The following HPGDS variants were observed in gnomAD, a reference collection of about 807,000 sequenced individuals.
The protein encoded by HPGDS is GST class-sigma.
Under a neutral mutation model 23.1 loss-of-function variants are expected in HPGDS, and 26 were observed. The observed-to-expected ratio is 1.13, with a 90% CI of 0.83 to 1.56. The LOEUF (loss-of-function observed/expected upper bound fraction) is 1.56. Ranked by LOEUF, HPGDS falls within the 40% of genes most tolerant of loss-of-function variation. HPGDS has a pLI of 0.00. For synonymous variants in HPGDS, 95 were observed against 77.9 expected, an observed-to-expected ratio of 1.22 and a Z score of -1.16; for missense variants, 268 against 236.4, an observed-to-expected ratio of 1.13 and a Z score of -0.88.
At chr4:94,339,077 A>T (rs1386254182) in intron 1 of HPGDS, among the ~76,000 whole-genome samples, 1 of 152,212 alleles carries the variant, frequency 6.6e-6, no homozygotes, top group Non-Finnish European at 1.5e-5. Flanking sequence ...TGGTTCTGAG[A>T]CTGAAACTAG....
chr4:94,321,825 C>A (rs1040729809), intron 2 of HPGDS, among the ~76,000 whole-genome samples: 2 of 152,192 alleles, frequency 1.3e-5, no homozygotes, highest in African/African-American at 4.8e-5. Flanking sequence ...TGTGAGAGGG[C>A]ATCCCTGTCT....
chr4:94,332,291 C>T (rs906296648), intron 2 of HPGDS, among the ~76,000 whole-genome samples: 3 of 152,182 alleles, frequency 2.0e-5, no homozygotes, highest in African/African-American at 7.2e-5. Context: ...GTCTGGACAA[C>T]GTAGTTCTTC....
At chr4:94,309,169 A>C (rs552531700) in intron 3 of HPGDS, among the ~76,000 whole-genome samples, 1 of 149,396 alleles carries the variant, frequency 6.7e-6, no homozygotes, top group Non-Finnish European at 1.5e-5. Context: ...TGTGCACAAC[A>C]TTCAGGTTTG....
At chr4:94,303,519 A>G (rs894750011) in intron 4 of HPGDS, among the ~76,000 whole-genome samples, 3 of 152,122 alleles carry the variant, frequency 2.0e-5, no homozygotes, top group African/African-American at 7.2e-5. Context: ...AAAGCTTGTC[A>G]TTATTTTGAC....
At chr4:94,323,508 A>T (rs1364953240) in intron 2 of HPGDS, among the ~76,000 whole-genome samples, 1 of 152,128 alleles carries the variant, frequency 6.6e-6, no homozygotes, top group Non-Finnish European at 1.5e-5. Flanking sequence ...TCCCTTTACC[A>T]TTATGTAATG....
In HPGDS at chr4:94,324,035, A is replaced by G. The variant is rs1343459294; in HGVS notation, c.134-6070T>C. On this transcript the variant is annotated intron_variant, in intron 2 of 5. Transcript: ENST00000295256. The stretch of plus-strand genomic sequence containing the variant: ...CACTTATGAAGCTTAGTTTGGCAGG[A>G]TATGAAATTCTGGGTTGAAAATTGT... Among the ~76,000 whole-genome samples, 5 of 152,284 alleles carry G rather than the reference A, an allele frequency of 3.3e-5. No individual in the cohort carries two copies. The East Asian group carries it at 9.7e-4, about 29-fold the overall frequency.
intron 3 of HPGDS, among the ~76,000 whole-genome samples, chr4:94,312,993 G>A (rs1027795841): frequency 1.5e-4 from 23 of 152,012 alleles, no homozygotes; most frequent in Non-Finnish European, 2.8e-4. Context: ...TTGCTTGGTA[G>A]ATCTTCCTCC....
intron 1 of HPGDS, among the ~76,000 whole-genome samples, chr4:94,336,913 AG>A (rs1484588427): frequency 3.3e-5 from 5 of 151,794 alleles, no homozygotes; most frequent in African/African-American, 9.7e-5. Flanking sequence ...GAGTGGAAAA[AG>A]TTTGATTATT....
At chr4:94,313,725 CAG>C (rs1553924695) in intron 3 of HPGDS, among the ~76,000 whole-genome samples, 1 of 152,198 alleles carries the variant, frequency 6.6e-6, no homozygotes, top group Non-Finnish European at 1.5e-5. Context: ...TAATATCCTG[CAG>C]AGTGTTTTCC....
chr4:94,307,662 G>A (rs1001528577), intron 4 of HPGDS, among the ~76,000 whole-genome samples: 47 of 152,072 alleles, frequency 3.1e-4, no homozygotes, highest in African/African-American at 1.1e-3. Flanking sequence ...CCTAGAGAGC[G>A]CTCCAAGAAA....
At chr4:94,326,535 CT>C (rs1296407562) in intron 2 of HPGDS, among the ~76,000 whole-genome samples, 1 of 152,040 alleles carries the variant, frequency 6.6e-6, no homozygotes, top group East Asian at 1.9e-4. Flanking sequence ...TCATTGAATT[CT>C]TTAGCTCCAG....
chr4:94,331,959 T>C (rs1560595003), intron 2 of HPGDS, among the ~76,000 whole-genome samples: 1 of 152,148 alleles, frequency 6.6e-6, no homozygotes, highest in Admixed American at 6.5e-5. Flanking sequence ...TATTCCTGTT[T>C]GCCTGCTGTC....
intron 1 of HPGDS, among the ~76,000 whole-genome samples, chr4:94,340,054 C>T (rs941401758): frequency 2.6e-5 from 4 of 152,016 alleles, no homozygotes; most frequent in African/African-American, 9.7e-5. Context: ...TGGGTTCAAG[C>T]GATTATCCTG....
intron 2 of HPGDS, among the ~76,000 whole-genome samples, chr4:94,327,814 A>G (rs1448541904): frequency 1.3e-5 from 2 of 152,172 alleles, no homozygotes; most frequent in Non-Finnish European, 2.9e-5. Context: ...CAGCATTGCA[A>G]TGCTGCAGCC....
chr4:94,310,300 T>G (rs976958854), intron 3 of HPGDS, among the ~76,000 whole-genome samples: 6 of 152,324 alleles, frequency 3.9e-5, no homozygotes, highest in South Asian at 4.1e-4. Context: ...CTTGAATGAA[T>G]TTTTGTATAA....
chr4:94,322,940 C>A (rs1245256230), intron 2 of HPGDS, among the ~76,000 whole-genome samples: 3 of 152,168 alleles, frequency 2.0e-5, no homozygotes, highest in Non-Finnish European at 4.4e-5. Context: ...TTAAATGTAT[C>A]CCAGAGATTC....
intron 4 of HPGDS, among the ~76,000 whole-genome samples, chr4:94,307,269 G>T (rs1756156537): frequency 6.8e-6 from 1 of 146,560 alleles, no homozygotes; most frequent in South Asian, 2.1e-4. Flanking sequence ...TTCCACAAAA[G>T]CAAGGAAAGA....
intron 5 of HPGDS, among the ~76,000 whole-genome samples, chr4:94,299,878 G>T (rs1050212458): frequency 2.6e-5 from 4 of 152,166 alleles, no homozygotes; most frequent in Admixed American, 6.5e-5. Context: ...GATAGATGTT[G>T]TTTTACTAAC....
At chr4:94,316,085 T>A (rs780474403) in intron 3 of HPGDS, among the ~76,000 whole-genome samples, 1 of 152,178 alleles carries the variant, frequency 6.6e-6, no homozygotes, top group Non-Finnish European at 1.5e-5. Flanking sequence ...CAGCCCCAAG[T>A]AGTGGCTGTA....
Sources: allele counts gnomAD v4.1 joint callset (sites outside exome capture counted in the v4.1 genomes callset), GRCh38; gene constraint gnomAD v4.1.1; transcripts MANE v1.5; gene names NCBI Gene and HGNC (gene_info 2026-07-23, HGNC 2026-07-21).